Variants in GRM8 observed in about 807,000 individuals in gnomAD.
The protein encoded by GRM8 is metabotropic glutamate receptor 8.
GRM8 carries 47 observed loss-of-function variants against 87.2 expected under a neutral mutation model. That is an observed-to-expected ratio of 0.54 (90% CI 0.43 to 0.69). GRM8 has a LOEUF of 0.69. Ranked by LOEUF, GRM8 falls within the 30% of genes least tolerant of loss-of-function variation. The probability of loss-of-function intolerance (pLI) is 0.00; values close to 1 mark genes in which losing one functional copy is unlikely to be tolerated. For synonymous variants in GRM8, 396 were observed against 404.5 expected, an observed-to-expected ratio of 0.98 and a Z score of 0.25; for missense variants, 1,019 against 1,139.2, an observed-to-expected ratio of 0.89 and a Z score of 1.52.
chr7:127,028,347 TA>T (rs1817010310), intron 3 of GRM8, among the ~76,000 whole-genome samples: 1 of 152,204 alleles, frequency 6.6e-6, no homozygotes, highest in Non-Finnish European at 1.5e-5. Context: ...GCTGGCCTCA[TA>T]AAATGAGTTA....
chr7:126,639,088 C>T lies in GRM8; in HGVS notation c.1358-29590G>A, dbSNP rs941021897. 1.2e-4 allele frequency among the ~76,000 whole-genome samples: 18 copies of T among 152,300 alleles called. 1 individual carries two copies. Among genetic ancestry groups the T allele is most frequent in the Admixed American group, 7.2e-4 (11 of 15,290 alleles). Reference sequence around the variant, plus strand: ...CAAGCACTTCAAACAACCTAAAATGCGTATCTGTCTTTTCTTCTGCTATGA... The same window carrying T: ...CAAGCACTTCAAACAACCTAAAATGTGTATCTGTCTTTTCTTCTGCTATGA... On this transcript the variant is annotated intron_variant, in intron 7 of 10. Coordinates refer to ENST00000339582, the MANE Select transcript of GRM8 (RefSeq NM_000845.3).
Position 127,106,494 on chromosome 7 carries a change from A to G in GRM8, c.727+2T>C. On this transcript the variant is annotated splice_donor_variant, in intron 3 of 10. Transcript: ENST00000339582. LOFTEE classifies it high-confidence loss of function. ...ACAATCATCTGATAAATATATGCTT[A>G]CCAATCTCCCTCGAGATCTGGGTGA... 1 of 1,608,234 alleles carries G rather than the reference A, an allele frequency of 6.2e-7. No individual in the cohort carries two copies. Among genetic ancestry groups the G allele is most frequent in the African/African-American group, 1.3e-5 (1 of 74,904 alleles).
At chr7:126,505,053 T>G (rs1673538145) in intron 9 of GRM8, among the ~76,000 whole-genome samples, 1 of 152,000 alleles carries the variant, frequency 6.6e-6, no homozygotes, top group Admixed American at 6.6e-5. Context: ...TTTCAAGTGT[T>G]CAAAGTGGAA....
intron 2 of GRM8, among the ~76,000 whole-genome samples, chr7:127,226,650 T>C (rs1322259750): frequency 6.6e-6 from 1 of 152,212 alleles, no homozygotes; most frequent in African/African-American, 2.4e-5. Context: ...TGGGGTTCCA[T>C]GGTTTCAATA....
chr7:127,011,657 T>C (rs1355735540), intron 3 of GRM8, among the ~76,000 whole-genome samples: 1 of 152,186 alleles, frequency 6.6e-6, no homozygotes, highest in Non-Finnish European at 1.5e-5. Context: ...AAATTTTTCA[T>C]TTCTGATTCA....
At chr7:126,753,853 C>T (rs190456747) in intron 7 of GRM8, among the ~76,000 whole-genome samples, 12 of 151,836 alleles carry the variant, frequency 7.9e-5, no homozygotes, top group East Asian at 3.9e-4. Flanking sequence ...TCTACCCCTC[C>T]GAATCTACAT....
intron 3 of GRM8, among the ~76,000 whole-genome samples, chr7:126,935,899 T>C (rs2131485731): frequency 6.6e-6 from 1 of 152,268 alleles, no homozygotes; most frequent in Non-Finnish European, 1.5e-5. Flanking sequence ...CAGAAAGCAG[T>C]TTCGTCTATA....
intron 2 of GRM8, among the ~76,000 whole-genome samples, chr7:127,186,300 G>A (rs1035015464): frequency 1.3e-5 from 2 of 152,086 alleles, no homozygotes; most frequent in Non-Finnish European, 2.9e-5. Flanking sequence ...ACTTGTAGCA[G>A]GTATTGCTAG....
chr7:126,653,546 A>T (rs1804173955), intron 7 of GRM8, among the ~76,000 whole-genome samples: 1 of 152,254 alleles, frequency 6.6e-6, no homozygotes, highest in African/African-American at 2.4e-5. Context: ...GACAAGAATT[A>T]GTTTCTGAAA....
intron 2 of GRM8, among the ~76,000 whole-genome samples, chr7:127,214,643 T>C (rs1796416593): frequency 6.6e-6 from 1 of 152,080 alleles, no homozygotes; most frequent in East Asian, 1.9e-4. Flanking sequence ...GCCGCACTTT[T>C]AAACATCAGA....
At chr7:127,196,699 C>T (rs1247111041) in intron 2 of GRM8, among the ~76,000 whole-genome samples, 1 of 152,168 alleles carries the variant, frequency 6.6e-6, no homozygotes, top group Non-Finnish European at 1.5e-5. Flanking sequence ...GGCAATAAAG[C>T]AGAGCCTTGA....
At chr7:126,952,822 G>A (rs1389911474) in intron 3 of GRM8, among the ~76,000 whole-genome samples, 1 of 152,050 alleles carries the variant, frequency 6.6e-6, no homozygotes, top group Non-Finnish European at 1.5e-5. Flanking sequence ...ATGAGAAACT[G>A]TTACAGATTT....
chr7:127,013,425 T>G (rs1291091660), intron 3 of GRM8, among the ~76,000 whole-genome samples: 1 of 148,870 alleles, frequency 6.7e-6, no homozygotes, highest in Non-Finnish European at 1.5e-5. Flanking sequence ...TACTACCTAA[T>G]CCACAAAGGG....
chr7:126,802,635 A>G (rs1211494879), intron 6 of GRM8, among the ~76,000 whole-genome samples: 1 of 152,180 alleles, frequency 6.6e-6, no homozygotes, highest in Admixed American at 6.5e-5. Context: ...TGAACCCCAC[A>G]CCTGTGATTT....
At chr7:126,619,108 A>C (rs1248190504) in intron 7 of GRM8, among the ~76,000 whole-genome samples, 1 of 152,226 alleles carries the variant, frequency 6.6e-6, no homozygotes, top group African/African-American at 2.4e-5. Context: ...ACAGTAGCAA[A>C]GACTTGGAAC....
intron 6 of GRM8, among the ~76,000 whole-genome samples, chr7:126,893,528 C>T (rs1339338252): frequency 6.6e-6 from 1 of 151,962 alleles, no homozygotes; most frequent in Non-Finnish European, 1.5e-5. Context: ...ATCATATCTA[C>T]ATCACTGTAA....
intron 8 of GRM8, among the ~76,000 whole-genome samples, chr7:126,588,095 G>T (rs1217470507): frequency 6.6e-6 from 1 of 152,054 alleles, no homozygotes; most frequent in Non-Finnish European, 1.5e-5. Context: ...TCTGATTTTT[G>T]AATCTAATGA....
At chr7:126,894,205 A>C (rs2131121287) in intron 6 of GRM8, among the ~76,000 whole-genome samples, 1 of 152,162 alleles carries the variant, frequency 6.6e-6, no homozygotes, top group Middle Eastern at 3.4e-3. Flanking sequence ...TAGCCATTTA[A>C]AGGAAGACAA....
intron 8 of GRM8, among the ~76,000 whole-genome samples, chr7:126,578,409 T>C (rs1439173526): frequency 6.6e-6 from 1 of 152,114 alleles, no homozygotes; most frequent in Non-Finnish European, 1.5e-5. Context: ...GTAGTTTATG[T>C]GAGGAAGGAG....
Sources: allele counts gnomAD v4.1 joint callset (sites outside exome capture counted in the v4.1 genomes callset), GRCh38; gene constraint gnomAD v4.1.1; transcripts MANE v1.5; gene names NCBI Gene and HGNC (gene_info 2026-07-23, HGNC 2026-07-21).